The following VPS41 variants were observed in gnomAD, a reference collection of about 807,000 sequenced individuals.
VPS41 encodes the protein VPS41 subunit of HOPS complex.
In VPS41, 85 loss-of-function variants were observed where a neutral mutation model predicts 130.9. The observed-to-expected ratio is 0.65, with a 90% CI of 0.55 to 0.78. VPS41 has a LOEUF of 0.78. Ranked by LOEUF, VPS41 falls within the 30% of genes least tolerant of loss-of-function variation. The pLI is 0.00. For synonymous variants in VPS41, 335 were observed against 332.9 expected (o/e 1.01, Z -0.07); for missense variants, 874 against 1,018.7 (o/e 0.86, Z 1.93).
intron 10 of VPS41, among the ~76,000 whole-genome samples, chr7:38,787,573 T>C (rs958576610): frequency 4.6e-5 from 7 of 152,232 alleles, no homozygotes; most frequent in Non-Finnish European, 8.8e-5. Context: ...GCCTATGTGA[T>C]AGGAATAACT....
At chr7:38,760,266 G>A (rs62444120) in intron 17 of VPS41, among the ~76,000 whole-genome samples, 4,065 of 152,234 alleles carry the variant, frequency 0.027, 77 homozygotes, top group Non-Finnish European at 0.043. Flanking sequence ...AAACATCCAC[G>A]TTATTAAATG....
intron 7 of VPS41, among the ~76,000 whole-genome samples, chr7:38,813,653 C>T (rs1784986347): frequency 6.6e-6 from 1 of 152,100 alleles, no homozygotes; most frequent in Non-Finnish European, 1.5e-5. Flanking sequence ...TTTTCTCATG[C>T]CCCATATACT....
At chr7:38,843,849 G>A (rs924167230) in intron 4 of VPS41, among the ~76,000 whole-genome samples, 4 of 152,140 alleles carry the variant, frequency 2.6e-5, no homozygotes, top group Non-Finnish European at 4.4e-5. Context: ...AAAAGGCAGC[G>A]ATTTATAAGC....
At position 38,758,424 on chromosome 7, in the gene VPS41, C is replaced by T. The variant is rs149345775; in HGVS notation, c.1480G>A (p.Val494Ile). 4.5e-5 allele frequency: 73 copies of T among 1,613,580 alleles called. No individual in the cohort carries two copies. The highest frequency in any genetic ancestry group is 5.9e-5 in the Non-Finnish European group (70 of 1,179,686). ...PGDLYNNSVI[V>I]QAVRDHLKKD... ...TTCAAATGATCCCGAACTGCTTGAACTATGACTGAATTATTATACAGATCT... is the reference window on the plus strand; with the variant it reads ...TTCAAATGATCCCGAACTGCTTGAATTATGACTGAATTATTATACAGATCT... Residue 494 changes from valine to isoleucine, a missense_variant, in exon 18 of 29, where the codon GTT becomes ATT. By Grantham distance (29) the Val-to-Ile change is conservative (BLOSUM62 3). Transcript: ENST00000310301.
chr7:38,817,511 G>A (rs546279756), intron 7 of VPS41, among the ~76,000 whole-genome samples: 17 of 152,128 alleles, frequency 1.1e-4, no homozygotes, highest in East Asian at 3.9e-4. Flanking sequence ...CCAGCTACTC[G>A]TGAGGCTGAT....
intron 10 of VPS41, among the ~76,000 whole-genome samples, chr7:38,784,894 T>C (rs748967066): frequency 2.6e-5 from 4 of 152,210 alleles, no homozygotes; most frequent in Non-Finnish European, 5.9e-5. Context: ...GGTCCCCAAA[T>C]GTCCATTAGC....
intron 15 of VPS41, 167 bp from the exon 16 acceptor site, chr7:38,765,828 GT>G: frequency 2.0e-6 from 1 of 509,202 alleles, no homozygotes; most frequent in Non-Finnish European, 3.4e-6. Flanking sequence ...AGATATTACT[GT>G]TACTCATTTG....
At chr7:38,902,879 G>A (rs1340172848) in intron 1 of VPS41, among the ~76,000 whole-genome samples, 1 of 152,142 alleles carries the variant, frequency 6.6e-6, no homozygotes, top group African/African-American at 2.4e-5. Context: ...CCCTCAGCTA[G>A]CACCTAATAT....
chr7:38,739,458 T>A (rs1007577724), intron 25 of VPS41, among the ~76,000 whole-genome samples: 5 of 152,200 alleles, frequency 3.3e-5, no homozygotes, highest in African/African-American at 1.2e-4. Context: ...AAATGCTCTC[T>A]GGATAGATTT....
chr7:38,842,462 T>A (rs1785627570), intron 4 of VPS41, among the ~76,000 whole-genome samples: 1 of 152,212 alleles, frequency 6.6e-6, no homozygotes, highest in Non-Finnish European at 1.5e-5. Flanking sequence ...ACATCCCAGT[T>A]TGCCCTTGTG....
intron 27 of VPS41, chr7:38,727,276 C>T (rs762633246): frequency 1.2e-4 from 26 of 208,582 alleles, no homozygotes; most frequent in African/African-American, 3.2e-4. Context: ...TGTGCCAATG[C>T]GCCCCTAACC....
intron 4 of VPS41, among the ~76,000 whole-genome samples, chr7:38,851,767 A>G (rs1427095701): frequency 6.6e-6 from 1 of 152,204 alleles, no homozygotes; most frequent in African/African-American, 2.4e-5. Flanking sequence ...TCGTACATCC[A>G]CCAGCAGTGT....
chr7:38,861,723 G>A (rs1241135957), intron 4 of VPS41, among the ~76,000 whole-genome samples: 2 of 152,132 alleles, frequency 1.3e-5, no homozygotes, highest in African/African-American at 2.4e-5. Flanking sequence ...CCCCTGAAAT[G>A]ATCACCTTTT....
intron 17 of VPS41, among the ~76,000 whole-genome samples, chr7:38,761,255 C>T: frequency 8.0e-6 from 1 of 125,642 alleles, no homozygotes; most frequent in African/African-American, 3.0e-5. Flanking sequence ...CTCTCTCTCT[C>T]TTCCTCTCTT....
rs563859771 is a variant in VPS41, at chr7:38,890,595, A to G, written c.60+7496T>C. Among the ~76,000 whole-genome samples, 4 of 152,266 alleles carry G rather than the reference A, an allele frequency of 2.6e-5. No homozygotes were observed. The South Asian group carries it at 6.2e-4, about 24-fold the overall frequency. The stretch of plus-strand genomic sequence containing the variant: ...AGGTCTGTGCCTTGTATCAATATCA[A>G]TTTCCTGGCGTGATATTGTACTAGA... On this transcript the variant is annotated intron_variant, in intron 2 of 28. Coordinates refer to ENST00000310301, the MANE Select transcript of VPS41 (RefSeq NM_014396.4).
intron 21 of VPS41, among the ~76,000 whole-genome samples, chr7:38,752,812 G>A (rs1783705351): frequency 6.6e-6 from 1 of 152,148 alleles, no homozygotes; most frequent in African/African-American, 2.4e-5. Flanking sequence ...CCTGGGACAA[G>A]CACATATTCT....
chr7:38,768,640 C>T (rs974818914), intron 14 of VPS41, among the ~76,000 whole-genome samples: 22 of 151,952 alleles, frequency 1.4e-4, no homozygotes, highest in African/African-American at 5.3e-4. Context: ...GAAAGAGTGT[C>T]TAACTTCCTT....
At chr7:38,807,013 T>C (rs906316815) in intron 7 of VPS41, among the ~76,000 whole-genome samples, 3 of 152,218 alleles carry the variant, frequency 2.0e-5, no homozygotes, top group Admixed American at 2.0e-4. Flanking sequence ...GTCGTGGCAA[T>C]GACCAAACAC....
At chr7:38,772,233 T>G (rs189750923) in intron 13 of VPS41, among the ~76,000 whole-genome samples, 1 of 152,244 alleles carries the variant, frequency 6.6e-6, no homozygotes, top group East Asian at 1.9e-4. Flanking sequence ...TATCTCTAAT[T>G]TCTTTGAACA....
Sources: allele counts gnomAD v4.1 joint callset (sites outside exome capture counted in the v4.1 genomes callset), GRCh38; gene constraint gnomAD v4.1.1; transcripts MANE v1.5; gene names NCBI Gene and HGNC (gene_info 2026-07-23, HGNC 2026-07-21).